UNC5C: variants seen among roughly 807,000 people sequenced by gnomAD.
UNC5C encodes the protein unc-5 netrin receptor C.
Under a neutral mutation model 99.8 loss-of-function variants are expected in UNC5C, and 47 were observed. That is an observed-to-expected ratio of 0.47 (90% CI 0.37 to 0.60). The LOEUF (loss-of-function observed/expected upper bound fraction) is 0.60. UNC5C is among the 20% of genes least tolerant of loss of function. The pLI, the probability that UNC5C is intolerant of heterozygous loss-of-function variation, is 0.00. For synonymous variants in UNC5C, 487 were observed against 452.2 expected (o/e 1.08, Z -0.98); for missense variants, 1,062 against 1,165.9 (o/e 0.91, Z 1.30).
chr4:95,365,478 T>C (rs1322410414), intron 1 of UNC5C, among the ~76,000 whole-genome samples: 1 of 149,782 alleles, frequency 6.7e-6, no homozygotes, highest in East Asian at 1.9e-4. Flanking sequence ...TAAATATATA[T>C]TTTCAAAATT....
At chr4:95,428,629 C>G (rs1465732402) in intron 1 of UNC5C, among the ~76,000 whole-genome samples, 1 of 152,000 alleles carries the variant, frequency 6.6e-6, no homozygotes, top group East Asian at 1.9e-4. Flanking sequence ...GTGAGCAATG[C>G]CTTCATTTAA....
chr4:95,290,958 T>C (rs1340191259), intron 3 of UNC5C, among the ~76,000 whole-genome samples: 2 of 152,182 alleles, frequency 1.3e-5, no homozygotes, highest in Admixed American at 1.3e-4. Flanking sequence ...CTTACTGCAC[T>C]GAGATCATTT....
intron 2 of UNC5C, among the ~76,000 whole-genome samples, chr4:95,305,957 A>G (rs1269950705): frequency 6.6e-6 from 1 of 152,178 alleles, no homozygotes; most frequent in African/African-American, 2.4e-5. Context: ...TAATAGTGGT[A>G]AGGCACCACA....
At chr4:95,399,237 T>A (rs1212733275) in intron 1 of UNC5C, among the ~76,000 whole-genome samples, 1 of 152,144 alleles carries the variant, frequency 6.6e-6, no homozygotes, top group African/African-American at 2.4e-5. Flanking sequence ...AAAAGCAGTA[T>A]TCTAAAAATG....
intron 1 of UNC5C, among the ~76,000 whole-genome samples, chr4:95,395,350 C>T (rs1745480686): frequency 6.6e-6 from 1 of 152,132 alleles, no homozygotes; most frequent in Non-Finnish European, 1.5e-5. Flanking sequence ...TCCTTTTGCA[C>T]AGGTTTTATC....
chr4:95,261,708 C>T (rs1046407366), intron 4 of UNC5C, among the ~76,000 whole-genome samples: 1 of 145,868 alleles, frequency 6.9e-6, no homozygotes, highest in Admixed American at 6.8e-5. Flanking sequence ...ATATGAATTC[C>T]TTTTTTTTTT....
chr4:95,232,725 A>G (rs143973155), intron 7 of UNC5C, among the ~76,000 whole-genome samples: 110 of 152,340 alleles, frequency 7.2e-4, no homozygotes, highest in African/African-American at 2.4e-3. Flanking sequence ...TTTCAAAACC[A>G]GGAAAATGTT....
At chr4:95,201,818 A>G (rs531822081) in intron 12 of UNC5C, among the ~76,000 whole-genome samples, 1 of 152,000 alleles carries the variant, frequency 6.6e-6, no homozygotes, top group East Asian at 1.9e-4. Context: ...GTTAGCCAGG[A>G]TGGTCTTGAT....
At chr4:95,252,475 T>A (rs865811496) in intron 4 of UNC5C, among the ~76,000 whole-genome samples, 1 of 152,340 alleles carries the variant, frequency 6.6e-6, no homozygotes, top group Middle Eastern at 3.4e-3. Flanking sequence ...AAGGATTTTT[T>A]ATAACTTCCC....
intron 1 of UNC5C, among the ~76,000 whole-genome samples, chr4:95,455,258 C>T (rs548279518): frequency 5.3e-4 from 80 of 152,062 alleles, no homozygotes; most frequent in Non-Finnish European, 1.0e-3. Context: ...GAATTCTTTC[C>T]CATTGGCAAA....
At chr4:95,181,034 C>T (rs1736591715) in intron 14 of UNC5C, among the ~76,000 whole-genome samples, 1 of 152,180 alleles carries the variant, frequency 6.6e-6, no homozygotes, top group Non-Finnish European at 1.5e-5. Flanking sequence ...ACACTCCCTC[C>T]TCTGCGCACC....
chr4:95,301,277 G>C (rs1741864483), intron 3 of UNC5C, among the ~76,000 whole-genome samples: 1 of 145,166 alleles, frequency 6.9e-6, no homozygotes, highest in Non-Finnish European at 1.5e-5. Flanking sequence ...CTCACTGCAA[G>C]CTCTGCCTCC....
At chr4:95,177,215 C>T (rs540813562) in intron 14 of UNC5C, among the ~76,000 whole-genome samples, 10 of 152,322 alleles carry the variant, frequency 6.6e-5, no homozygotes, top group South Asian at 2.1e-4. Context: ...GCGTCGCTCA[C>T]ACTGGGAGCT....
intron 2 of UNC5C, among the ~76,000 whole-genome samples, chr4:95,319,987 A>C (rs905522134): frequency 2.0e-5 from 3 of 152,150 alleles, no homozygotes; most frequent in Non-Finnish European, 4.4e-5. Context: ...ACCCAACAAT[A>C]ATATTTAAAT....
chr4:95,376,577 A>T (rs1199778063), intron 1 of UNC5C, among the ~76,000 whole-genome samples: 6 of 152,202 alleles, frequency 3.9e-5, no homozygotes, highest in Admixed American at 6.5e-5. Context: ...ACCTCTTGAA[A>T]TGTTCAAGTG....
chr4:95,287,849 C>T (rs1207915530), intron 3 of UNC5C, among the ~76,000 whole-genome samples: 1 of 152,124 alleles, frequency 6.6e-6, no homozygotes, highest in Non-Finnish European at 1.5e-5. Flanking sequence ...GCCTTGAATG[C>T]TACATATTAA....
intron 2 of UNC5C, among the ~76,000 whole-genome samples, chr4:95,320,422 C>CAAAAAAAAAAAAAA (rs34842898): frequency 2.1e-5 from 2 of 94,876 alleles, no homozygotes; most frequent in Admixed American, 1.2e-4. Context: ...AATTCCATCT[C>CAAAAAAAAAAAAAA]AAAAAAAAAA....
chr4:95,295,888 C>T (rs1741652032), intron 3 of UNC5C, among the ~76,000 whole-genome samples: 1 of 152,130 alleles, frequency 6.6e-6, no homozygotes, highest in African/African-American at 2.4e-5. Context: ...AGTTCGAGAC[C>T]AGCCTGGGCA....
chr4:95,353,102 T>C (rs942145126), intron 1 of UNC5C, among the ~76,000 whole-genome samples: 1 of 152,302 alleles, frequency 6.6e-6, no homozygotes, highest in African/African-American at 2.4e-5. Context: ...TAATGCCTTA[T>C]TCCTTAATGA....
Sources: allele counts gnomAD v4.1 joint callset (sites outside exome capture counted in the v4.1 genomes callset), GRCh38; gene constraint gnomAD v4.1.1; transcripts MANE v1.5; gene names NCBI Gene and HGNC (gene_info 2026-07-23, HGNC 2026-07-21).